SORBS2: variants seen among roughly 807,000 people sequenced by gnomAD.
SORBS2 encodes sorbin and SH3 domain-containing protein 2.
Under a neutral mutation model 97.7 loss-of-function variants are expected in SORBS2, and 46 were observed. The ratio of observed to expected loss-of-function variants is 0.47; its 90% confidence interval spans 0.37 to 0.60. SORBS2 has a LOEUF of 0.60. Ranked by LOEUF, SORBS2 falls within the 20% of genes least tolerant of loss-of-function variation. The pLI is 0.00. For synonymous variants in SORBS2, 476 were observed against 473.4 expected (o/e 1.01, Z -0.07); for missense variants, 1,316 against 1,282.3 (o/e 1.03, Z -0.40).
chr4:185,792,680 C>T lies in SORBS2; in HGVS notation c.-337-17314G>A, dbSNP rs555634277. Among the ~76,000 whole-genome samples the T allele has an allele frequency of 8.8e-4, 134 of 151,982 alleles. 2 individuals are homozygous for T. Among genetic ancestry groups the T allele is most frequent in the African/African-American group, 3.1e-3 (129 of 41,466 alleles). ...TTTTCTTCCTCCCTCTTTTTATTGT[C>T]GTGCTATTTCTGATCTTGAGGATAC... On this transcript the variant is annotated intron_variant, in intron 1 of 20. Coordinates refer to the SORBS2 transcript ENST00000284776.
intron 8 of SORBS2, 24 bp from the exon 21 acceptor site, chr4:185,618,655 G>A: frequency 1.3e-6 from 2 of 1,488,254 alleles, no homozygotes; most frequent in Non-Finnish European, 1.8e-6. Context: ...TAAACAATTA[G>A]CACTAATTTA....
chr4:185,649,758 A>G (rs1439635160), intron 2 of SORBS2, 102 bp from the exon 12 acceptor site: 11 of 664,472 alleles, frequency 1.7e-5, no homozygotes, highest in Non-Finnish European at 2.5e-5. Context: ...ATGATTGCAT[A>G]GAAATTATTA....
chr4:185,657,969 C>G (rs1214307425), upstream of SORBS2, among the ~76,000 whole-genome samples: 2 of 152,226 alleles, frequency 1.3e-5, no homozygotes, highest in East Asian at 3.9e-4. Context: ...GGGGCAGGAG[C>G]TGAGACAAGT....
At chr4:185,704,493 A>G (rs2153536828) in intron 2 of SORBS2, among the ~76,000 whole-genome samples, 1 of 151,932 alleles carries the variant, frequency 6.6e-6, no homozygotes, top group South Asian at 2.1e-4. Context: ...TAATTTTTGC[A>G]CTTTTAGTAG....
At chr4:185,897,680 G>A (rs1243351062) in intron 1 of SORBS2, among the ~76,000 whole-genome samples, 1 of 152,146 alleles carries the variant, frequency 6.6e-6, no homozygotes, top group Non-Finnish European at 1.5e-5. Context: ...CCTACAACAG[G>A]TATAGAAAGT....
chr4:185,811,281 A>C (rs891455135), intron 1 of SORBS2, among the ~76,000 whole-genome samples: 13 of 152,224 alleles, frequency 8.5e-5, no homozygotes, highest in African/African-American at 3.1e-4. Flanking sequence ...CTTCTCATGT[A>C]GTTCTTTTTC....
intron 1 of SORBS2, among the ~76,000 whole-genome samples, chr4:185,780,151 G>T (rs1204321875): frequency 1.3e-5 from 2 of 151,734 alleles, no homozygotes; most frequent in African/African-American, 4.8e-5. Flanking sequence ...GAATAGCTGG[G>T]ATTACAGGCA....
intron 1 of SORBS2, among the ~76,000 whole-genome samples, chr4:185,910,817 T>A (rs1465535039): frequency 2.0e-5 from 3 of 152,222 alleles, no homozygotes; most frequent in Non-Finnish European, 2.9e-5. Context: ...GACTGTATTA[T>A]ATATGAGAAA....
At chr4:185,878,050 G>T (rs962164814) in intron 1 of SORBS2, among the ~76,000 whole-genome samples, 1 of 151,978 alleles carries the variant, frequency 6.6e-6, no homozygotes, top group African/African-American at 2.4e-5. Flanking sequence ...AAGCCTTGAG[G>T]ATTTTAGTAC....
At chr4:185,850,502 G>A (rs1403900432) in intron 1 of SORBS2, among the ~76,000 whole-genome samples, 2 of 152,180 alleles carry the variant, frequency 1.3e-5, no homozygotes, top group Non-Finnish European at 2.9e-5. Context: ...AAATTTTGCT[G>A]CAATGATAGC....
exon 13 of SORBS2, chr4:185,593,909 T>C (rs2096020358): frequency 6.2e-7 from 1 of 1,607,626 alleles, no homozygotes; most frequent in Non-Finnish European, 8.5e-7. Flanking sequence ...CTTGAATATT[T>C]TCATGAGTAA....
In SORBS2 at chr4:185,623,477, T is replaced by C; in HGVS notation, c.1652A>G (p.His551Arg). The change falls in exon 7 of 15, where the codon CAC becomes CGC. Residue 551 changes from histidine to arginine, a missense_variant. Coordinates refer to ENST00000418609, the Ensembl canonical transcript of SORBS2. The surrounding 1 kb of genome is among the most constrained non-coding windows in gnomAD (Gnocchi z 6.4). ...GCTGATGAGGTGGCGGTGGTGGTGG[T>C]GGTGGTGATGGTGGTGGTGGTGGCT... The C allele has an allele frequency of 1.2e-6, 2 of 1,612,570 alleles. No individual in the cohort carries two copies. The highest frequency in any genetic ancestry group is 1.7e-6 in the Non-Finnish European group (2 of 1,179,888).
chr4:185,655,690 T>C (rs997169650), intron 1 of SORBS2, among the ~76,000 whole-genome samples: 1 of 152,232 alleles, frequency 6.6e-6, no homozygotes, highest in Non-Finnish European at 1.5e-5. Flanking sequence ...GATTTGGCAG[T>C]TGATAAACAT....
At chr4:185,938,101 C>A (rs1328258655) in intron 1 of SORBS2, among the ~76,000 whole-genome samples, 1 of 151,178 alleles carries the variant, frequency 6.6e-6, no homozygotes, top group Non-Finnish European at 1.5e-5. Context: ...CCCCCACCTC[C>A]CGGTTCAAGT....
chr4:185,626,223 A>G (rs763387649), intron 6 of SORBS2, among the ~76,000 whole-genome samples: 1 of 152,210 alleles, frequency 6.6e-6, no homozygotes, highest in Non-Finnish European at 1.5e-5. Context: ...TGATATCATT[A>G]TGGTTTGGGA....
At chr4:185,626,044 G>C (rs2096805475) in intron 6 of SORBS2, among the ~76,000 whole-genome samples, 1 of 152,232 alleles carries the variant, frequency 6.6e-6, no homozygotes, top group Admixed American at 6.5e-5. Context: ...GCTCCCTGTA[G>C]GGGCTGGTTC....
At chr4:185,774,152 T>C (rs1302886475) in intron 2 of SORBS2, 1 of 152,212 alleles carries the variant, frequency 6.6e-6, no homozygotes, top group Non-Finnish European at 1.5e-5. Flanking sequence ...AAGCACCAGT[T>C]GGGCCCCAAG....
At chr4:185,796,470 G>A (rs1426436678) in intron 1 of SORBS2, among the ~76,000 whole-genome samples, 2 of 148,278 alleles carry the variant, frequency 1.3e-5, no homozygotes, top group Non-Finnish European at 3.0e-5. Context: ...CTGTGGCCAC[G>A]CTGCTCCCTG....
intron 2 of SORBS2, among the ~76,000 whole-genome samples, chr4:185,748,287 C>T (rs2098776623): frequency 6.6e-6 from 1 of 152,146 alleles, no homozygotes; most frequent in Non-Finnish European, 1.5e-5. Flanking sequence ...AGTGCAGTTG[C>T]TGTGTGTGAC....
Sources: allele counts gnomAD v4.1 joint callset (sites outside exome capture counted in the v4.1 genomes callset), GRCh38; gene constraint gnomAD v4.1.1; non-coding constraint Gnocchi (gnomAD v3.1); transcripts MANE v1.5; gene names NCBI Gene and HGNC (gene_info 2026-07-23, HGNC 2026-07-21).